Variants in THSD4 observed in about 807,000 individuals in gnomAD.
The protein encoded by THSD4 is thrombospondin type-1 domain-containing protein 4.
A neutral mutation model predicts 119.0 loss-of-function variants in THSD4; 69 were observed. That is an observed-to-expected ratio of 0.58 (90% CI 0.48 to 0.71). The LOEUF is 0.71. Among genes scored for constraint, THSD4 ranks in the 30% least tolerant of loss-of-function variants. The pLI is 0.00. For synonymous variants in THSD4, 524 were observed against 540.4 expected, an observed-to-expected ratio of 0.97 and a Z score of 0.42; for missense variants, 1,393 against 1,391.1, an observed-to-expected ratio of 1.00 and a Z score of -0.02.
At chr15:71,121,350 A>ATGTT (rs1325955796) in intron 1 of THSD4, among the ~76,000 whole-genome samples, 6 of 150,252 alleles carry the variant, frequency 4.0e-5, no homozygotes, top group Non-Finnish European at 8.8e-5. Context: ...TGCCACTTGA[A>ATGTT]TGTTAGCTAT....
chr15:71,467,456 A>G (rs2047516066), intron 7 of THSD4, among the ~76,000 whole-genome samples: 1 of 152,218 alleles, frequency 6.6e-6, no homozygotes, highest in African/African-American at 2.4e-5. Context: ...TGATAGAGCA[A>G]AAGAGTGCAA....
At chr15:71,491,687 T>C (rs550314678) in intron 7 of THSD4, among the ~76,000 whole-genome samples, 1 of 149,044 alleles carries the variant, frequency 6.7e-6, no homozygotes, top group Admixed American at 6.8e-5. Context: ...CCTAGGCAAA[T>C]AGGGAGACTC....
intron 17 of THSD4, among the ~76,000 whole-genome samples, chr15:71,773,214 AAG>A (rs373519932): frequency 0.38 from 46,435 of 122,922 alleles, 9,217 homozygotes; most frequent in Non-Finnish European, 0.51. Context: ...AAAAAAAAAA[AAG>A]AAAAAGAAAA....
At chr15:71,317,015 G>A (rs945221526) in intron 6 of THSD4, among the ~76,000 whole-genome samples, 1 of 152,164 alleles carries the variant, frequency 6.6e-6, no homozygotes, top group African/African-American at 2.4e-5. Context: ...GATTGGGTGG[G>A]ATATAAATGT....
intron 6 of THSD4, among the ~76,000 whole-genome samples, chr15:71,281,320 G>A (rs1211735021): frequency 6.6e-6 from 1 of 152,260 alleles, no homozygotes; most frequent in Non-Finnish European, 1.5e-5. Flanking sequence ...CATCAGGTGA[G>A]AGCAACATTT....
rs375648033 is a variant in THSD4, at chr15:71,781,081, G to A, written c.*3707G>A. 3.7e-6 allele frequency: 1 copy of A among 270,526 alleles called. No homozygotes were observed. The highest frequency in any genetic ancestry group is 4.0e-5 in the South Asian group (1 of 25,254). 16.8% of individuals were successfully genotyped at this position (270,526 alleles called of 1,614,324 possible). On this transcript the variant is annotated 3_prime_UTR_variant, in exon 18 of 18. Transcript: ENST00000261862. ...CTGGATAATCTATATCAGCCTTGTG[G>A]GTGGAGACTAGTATTTGATCCTTGC...
At chr15:71,172,334 T>A (rs111285342) in intron 3 of THSD4, among the ~76,000 whole-genome samples, 1 of 151,308 alleles carries the variant, frequency 6.6e-6, no homozygotes, top group African/African-American at 2.4e-5. Context: ...CAAAAAAAAA[T>A]AATTATAAAT....
At chr15:71,473,016 T>A (rs532799192) in intron 7 of THSD4, among the ~76,000 whole-genome samples, 3 of 152,094 alleles carry the variant, frequency 2.0e-5, no homozygotes, top group Admixed American at 6.6e-5. Flanking sequence ...AAAAAATTCT[T>A]AATGTTACCA....
intron 8 of THSD4, among the ~76,000 whole-genome samples, chr15:71,664,936 A>G (rs2051385878): frequency 1.3e-5 from 2 of 152,150 alleles, no homozygotes; most frequent in Admixed American, 6.5e-5. Flanking sequence ...GCTATAATGA[A>G]TAGTGCTGCA....
chr15:71,482,073 T>C (rs2047738520), intron 7 of THSD4, among the ~76,000 whole-genome samples: 1 of 152,182 alleles, frequency 6.6e-6, no homozygotes, highest in Admixed American at 6.5e-5. Flanking sequence ...GTGTGTTTGG[T>C]TTCAAGTAAC....
chr15:71,257,558 A>C (rs1345722871), intron 6 of THSD4, among the ~76,000 whole-genome samples: 2 of 152,140 alleles, frequency 1.3e-5, no homozygotes. Context: ...CAGAGTATGG[A>C]GCACTGCACA....
chr15:71,737,027 T>G (rs1232271069), intron 10 of THSD4, among the ~76,000 whole-genome samples: 1 of 152,258 alleles, frequency 6.6e-6, no homozygotes, highest in Non-Finnish European at 1.5e-5. Context: ...AACGTTATAT[T>G]TGCTGCATTC....
intron 3 of THSD4, among the ~76,000 whole-genome samples, chr15:71,172,704 T>TATATATATATATATGTGAC (rs2043388874): frequency 9.3e-6 from 1 of 107,732 alleles, no homozygotes; most frequent in African/African-American, 4.6e-5. Context: ...TATATATATA[T>TATATATATATATATGTGAC]ATATATATAT....
At chr15:71,580,191 C>T (rs1210018814) in intron 7 of THSD4, among the ~76,000 whole-genome samples, 4 of 152,122 alleles carry the variant, frequency 2.6e-5, no homozygotes, top group South Asian at 2.1e-4. Flanking sequence ...TGGTGACCTG[C>T]GAGCTGGACT....
chr15:71,205,489 A>G (rs907342515), intron 3 of THSD4, among the ~76,000 whole-genome samples: 11 of 152,060 alleles, frequency 7.2e-5, no homozygotes, highest in Admixed American at 1.3e-4. Context: ...TGGCTGTCTC[A>G]TTCCTCATTT....
At chr15:71,315,959 G>A (rs1002946277) in intron 6 of THSD4, among the ~76,000 whole-genome samples, 1 of 152,224 alleles carries the variant, frequency 6.6e-6, no homozygotes. Flanking sequence ...AAAAGTGAAT[G>A]TAGGATGACT....
At chr15:71,472,496 G>A (rs550216051) in intron 7 of THSD4, among the ~76,000 whole-genome samples, 10 of 152,142 alleles carry the variant, frequency 6.6e-5, no homozygotes, top group African/African-American at 2.2e-4. Flanking sequence ...GCCTTTAATT[G>A]TGCTCTCACT....
At chr15:71,524,627 C>CT (rs1432617795) in intron 7 of THSD4, among the ~76,000 whole-genome samples, 4 of 104,798 alleles carry the variant, frequency 3.8e-5, no homozygotes, top group African/African-American at 1.4e-4. Context: ...AGACGAGTCT[C>CT]TATCTGTCAC....
At chr15:71,406,063 C>T (rs1009737935) in intron 6 of THSD4, among the ~76,000 whole-genome samples, 4 of 151,772 alleles carry the variant, frequency 2.6e-5, no homozygotes, top group Admixed American at 2.0e-4. Flanking sequence ...ACAGGTTACA[C>T]GCATGAGCAC....
Sources: allele counts gnomAD v4.1 joint callset (sites outside exome capture counted in the v4.1 genomes callset), GRCh38; gene constraint gnomAD v4.1.1; transcripts MANE v1.5; gene names NCBI Gene and HGNC (gene_info 2026-07-23, HGNC 2026-07-21).